The following PCNT variants were observed in gnomAD, a reference collection of about 807,000 sequenced individuals.
PCNT encodes pericentrin, also known as kendrin.
In PCNT, 319 loss-of-function variants were observed where a neutral mutation model predicts 380.4. The observed-to-expected ratio is 0.84, with a 90% CI of 0.77 to 0.92. PCNT has a LOEUF of 0.92. PCNT is among the 40% of genes least tolerant of loss of function. PCNT has a pLI of 0.00. For synonymous variants in PCNT, 1,845 were observed against 1,735.2 expected, an observed-to-expected ratio of 1.06 and a Z score of -1.57; for missense variants, 4,400 against 4,255.3, an observed-to-expected ratio of 1.03 and a Z score of -0.95.
Position 46,401,650 on chromosome 21 carries a change from G to A in PCNT, c.4891G>A (p.Gly1631Ser), listed in dbSNP as rs1217043163. 4 of 1,613,968 alleles carry A rather than the reference G, an allele frequency of 2.5e-6. No homozygotes were observed. The highest frequency in any genetic ancestry group is 2.5e-6 in the Non-Finnish European group (3 of 1,180,024). ...AGGCAGATGTCCCGAGCCTCCTTCGGGCAGCCCTCCTGAGGGTCCAGAAAT... is the reference window on the plus strand; with the variant it reads ...AGGCAGATGTCCCGAGCCTCCTTCGAGCAGCCCTCCTGAGGGTCCAGAAAT... The part of the protein sequence containing the change: ...DAGRCPEPPS[G>S]SPPEGPEIQL... Residue 1631 changes from glycine (G) to serine (S), a missense_variant, in exon 26 of 47, where the codon GGC becomes AGC. Transcript: ENST00000359568.
rs910320319 is a variant in PCNT at position 46,388,240 on chromosome 21, C to A, written c.3465-502C>A. 1.3e-5 allele frequency among the ~76,000 whole-genome samples: 2 copies of A among 151,904 alleles called. No individual in the cohort carries two copies. Among genetic ancestry groups the A allele is most frequent in the African/African-American group, 2.4e-5 (1 of 41,344 alleles). ...AAAAAAAAGACAGAAGCATCCCAGA[C>A]CGCACGTCCACGAGGCCTAGCGAGA... On this transcript the variant is annotated intron_variant, in intron 17 of 46. Coordinates refer to ENST00000359568, the MANE Select transcript of PCNT (RefSeq NM_006031.6). This position sits in a 1 kb window ranked among gnomAD's most constrained non-coding sequence, Gnocchi z 4.2.
At chr21:46,401,312 A>G (rs1240110474) in intron 25 of PCNT, among the ~76,000 whole-genome samples, 2 of 152,192 alleles carry the variant, frequency 1.3e-5, no homozygotes, top group Non-Finnish European at 2.9e-5. Context: ...AATTCCTCAC[A>G]GTGGACTCGG....
chr21:46,362,652 G>C (rs1412916805), intron 13 of PCNT, among the ~76,000 whole-genome samples: 2 of 151,932 alleles, frequency 1.3e-5, no homozygotes, highest in African/African-American at 4.8e-5. Context: ...CTCTTTGAAA[G>C]TCAGGAAGTC....
chr21:46,430,630 G>T lies in PCNT; in HGVS notation c.8037G>T (p.Arg2679Ser), dbSNP rs771294806. Residue 2679 changes from arginine to serine, a missense_variant, in exon 37 of 47, where the codon AGG becomes AGT. Arg to Ser is a moderately radical substitution (Grantham distance 110). Coordinates refer to ENST00000359568, the MANE Select transcript of PCNT (RefSeq NM_006031.6). ...AGGAGCAGCTGCGGCACCTGCAGAG[G>T]GAGAGCCAGAGTGCCAAGGCCCTGG... The part of the protein sequence containing the change: ...LEEEQLRHLQ[R>S]ESQSAKALEE... 6.4e-7 allele frequency: 1 copy of T among 1,570,856 alleles called. No homozygotes were observed. Among genetic ancestry groups the T allele is most frequent in the South Asian group, 1.2e-5 (1 of 85,500 alleles).
rs776232288 is a variant in PCNT, at chr21:46,411,781, G to A, written c.5708G>A (p.Arg1903His). Residue 1903 changes from arginine to histidine, a missense_variant, in exon 28 of 47, where the codon CGC becomes CAC. Coordinates refer to ENST00000359568, the MANE Select transcript of PCNT (RefSeq NM_006031.6). Reference sequence around the variant, plus strand: ...CTGTTGGCCTTGGCCCGCATCCGCCGCGCCCTGGAGCAGCAGCCCCTGGCA... The same window carrying A: ...CTGTTGGCCTTGGCCCGCATCCGCCACGCCCTGGAGCAGCAGCCCCTGGCA... ...AVLLALARIR[R>H]ALEQQPLAAG... 26 of 1,602,752 alleles carry A rather than the reference G, an allele frequency of 1.6e-5. No homozygotes were observed. The highest frequency in any genetic ancestry group is 2.1e-5 in the Non-Finnish European group (25 of 1,177,126).
At chr21:46,364,339 G>T (rs2146867715) in intron 14 of PCNT, among the ~76,000 whole-genome samples, 1 of 151,516 alleles carries the variant, frequency 6.6e-6, no homozygotes, top group Non-Finnish European at 1.5e-5. Context: ...CCGCCACCCC[G>T]AAGCCCCCCG....
chr21:46,391,019 T>TG, intron 20 of PCNT, 145 bp from the exon 21 acceptor site: 1 of 1,061,906 alleles, frequency 9.4e-7, no homozygotes, highest in Non-Finnish European at 1.4e-6. Context: ...GCAGGGCTGT[T>TG]GGAGGCCTAC....
chr21:46,397,604 C>A (rs1022822114), intron 22 of PCNT, 110 bp downstream of exon 22: 8 of 893,078 alleles, frequency 9.0e-6, no homozygotes, highest in Non-Finnish European at 1.4e-5. Flanking sequence ...TTGAAGAGGG[C>A]GCCCCACACC....
chr21:46,373,646 T>TC (rs35040588), intron 15 of PCNT, among the ~76,000 whole-genome samples: 147,817 of 148,060 alleles, frequency 1, 73,787 homozygotes, highest in Non-Finnish European at 1. Flanking sequence ...CAGGGTGGTC[T>TC]GATCTCTTGA....
chr21:46,362,201 G>T (rs970559855), intron 13 of PCNT, among the ~76,000 whole-genome samples: 2 of 152,166 alleles, frequency 1.3e-5, no homozygotes, highest in Admixed American at 6.5e-5. Flanking sequence ...TACAGATCGG[G>T]GTCAGCCTGA....
rs1262496214 is a variant in PCNT at position 46,412,773 on chromosome 21, C to T, written c.5995-64C>T. The T allele has an allele frequency of 2.5e-6, 4 of 1,580,706 alleles. No homozygotes were observed. The African/African-American group carries it at 4.0e-5, about 16-fold the overall frequency. On this transcript the variant is annotated intron_variant, in intron 28 of 46. Coordinates refer to ENST00000359568, the MANE Select transcript of PCNT (RefSeq NM_006031.6). ...CGTACTGGTTCCCAGCTCCAGGCCA[C>T]CTGAGGGGCAGCCCCAGCAACAGCC...
chr21:46,325,504 CAT>C (rs961311269), intron 1 of PCNT, among the ~76,000 whole-genome samples: 6 of 152,208 alleles, frequency 3.9e-5, no homozygotes, highest in African/African-American at 1.2e-4. Context: ...AAATAAACGA[CAT>C]GAGGTTGACT....
intron 39 of PCNT, 90 bp from the exon 40 acceptor site, chr21:46,436,889 G>A: frequency 2.1e-6 from 2 of 956,842 alleles, no homozygotes; most frequent in Admixed American, 1.8e-5. Flanking sequence ...AACCTGTCTT[G>A]TCTCTCTTGA....
chr21:46,384,800 T>C lies in PCNT; in HGVS notation c.3313-1032T>C, dbSNP rs889901754. ...TAGTTCAGTGGCGGAAGTGCATTCA[T>C]GGTGTTGTGCGTTGAGCGGCGGAAG... On this transcript the variant is annotated intron_variant, in intron 16 of 46. Coordinates refer to ENST00000359568, the MANE Select transcript of PCNT (RefSeq NM_006031.6). Among the ~76,000 whole-genome samples, 133 of 145,764 alleles carry C rather than the reference T, an allele frequency of 9.1e-4. 4 individuals carry two copies. Among genetic ancestry groups the C allele is most frequent in the Admixed American group, 1.3e-3 (19 of 14,756 alleles).
chr21:46,438,025 TC>T, intron 40 of PCNT, 138 bp from the exon 41 acceptor site: 1 of 733,588 alleles, frequency 1.4e-6, no homozygotes, highest in Non-Finnish European at 2.3e-6. Context: ...TTTACAATTT[TC>T]TGCCAGCTCC....
chr21:46,411,262 G>A lies in PCNT; in HGVS notation c.5189G>A (p.Arg1730Gln), dbSNP rs780082128. 1.3e-5 allele frequency: 21 copies of A among 1,614,018 alleles called. No individual in the cohort carries two copies. The Admixed American group carries it at 1.5e-4, about 12-fold the overall frequency. The change falls in exon 28 of 47, where the codon CGA (arginine) becomes CAA (glutamine). Residue 1730 changes from arginine (R) to glutamine (Q), a missense_variant. Coordinates refer to ENST00000359568, the MANE Select transcript of PCNT (RefSeq NM_006031.6). ...TIENLQENQK[R>Q]LQKEKAEEIE... ...GAAAATCTGCAAGAGAATCAGAAAC[G>A]ATTACAAAAGGAGAAAGCAGAGGAA...
At chr21:46,352,388 G>A (rs550453593) in intron 9 of PCNT, among the ~76,000 whole-genome samples, 76 of 152,286 alleles carry the variant, frequency 5.0e-4, no homozygotes, top group African/African-American at 1.8e-3. Context: ...CTGGAGGCTG[G>A]AGAAGAGAGA....
chr21:46,324,730 G>C (rs2083307188), intron 1 of PCNT: 1 of 278,026 alleles, frequency 3.6e-6, no homozygotes. Context: ...GGACCGGGTG[G>C]CCTGGGGCGG....
intron 27 of PCNT, among the ~76,000 whole-genome samples, chr21:46,407,340 C>CT (rs899881614): frequency 0.016 from 1,652 of 106,344 alleles, 70 homozygotes; most frequent in Non-Finnish European, 0.017. Context: ...TATACTTTCT[C>CT]TTTTTTTTTT....
Sources: gnomAD v4.1 joint callset for allele counts (sites outside exome capture counted in the v4.1 genomes callset) on GRCh38, gnomAD v4.1.1 for gene constraint, Gnocchi (gnomAD v3.1) non-coding constraint, MANE v1.5 for transcripts, NCBI Gene and HGNC (gene_info 2026-07-23, HGNC 2026-07-21) for gene names.